Variants in RNLS observed in about 807,000 individuals in gnomAD.
RNLS encodes renalase.
RNLS carries 39 observed loss-of-function variants against 39.8 expected under a neutral mutation model. The ratio of observed to expected loss-of-function variants is 0.98; its 90% CI spans 0.76 to 1.28. The LOEUF is 1.28. RNLS is among the 50% of genes most tolerant of loss of function. The pLI is 0.00. For missense variants in RNLS, 410 were observed against 413.3 expected, an observed-to-expected ratio of 0.99 and a Z score of 0.07; for synonymous variants, 147 against 150.7, an observed-to-expected ratio of 0.98 and a Z score of 0.18.
chr10:88,513,542 C>G (rs1166311229), intron 4 of RNLS, among the ~76,000 whole-genome samples: 1 of 152,064 alleles, frequency 6.6e-6, no homozygotes, highest in East Asian at 1.9e-4. Flanking sequence ...CTTCATCACT[C>G]TATGAATCCA....
intron 4 of RNLS, among the ~76,000 whole-genome samples, chr10:88,365,981 T>TCATC (rs1214850958): frequency 2.6e-5 from 4 of 152,224 alleles, no homozygotes; most frequent in African/African-American, 4.8e-5. Flanking sequence ...ATCAATCTAT[T>TCATC]CATCCATCCA....
intron 4 of RNLS, among the ~76,000 whole-genome samples, chr10:88,432,240 C>T (rs1302896441): frequency 2.0e-5 from 3 of 151,620 alleles, no homozygotes; most frequent in Non-Finnish European, 4.4e-5. Flanking sequence ...ATTCTTTGTT[C>T]TAAAACCTAC....
chr10:88,507,832 A>G (rs1240541996), intron 4 of RNLS, among the ~76,000 whole-genome samples: 1 of 152,164 alleles, frequency 6.6e-6, no homozygotes, highest in African/African-American at 2.4e-5. Context: ...AAAAGAATGC[A>G]ACCACTTATT....
chr10:88,196,493 G>A, the RNLS span, among the ~76,000 whole-genome samples: 1 of 152,176 alleles, frequency 6.6e-6, no homozygotes, highest in Non-Finnish European at 1.5e-5. Flanking sequence ...TCCCACAAAA[G>A]GCAGAGTCAA....
chr10:88,284,737 T>C lies in RNLS; in HGVS notation c.*617A>G. On this transcript the variant is annotated 3_prime_UTR_variant, in exon 7 of 7. Coordinates refer to ENST00000331772, the MANE Select transcript of RNLS (RefSeq NM_001031709.3). ...GTACTGTGTGGCTGGGAAAATCATG[T>C]GGAATCTTATACTTTCTGAAAATCT... The C allele has an allele frequency of 1.0e-6, 1 of 985,380 alleles. No homozygotes were observed. The highest frequency in any genetic ancestry group is 1.2e-6 in the Non-Finnish European group (1 of 829,912). 61.0% of individuals were successfully genotyped at this position (985,380 alleles called of 1,614,324 possible). A position where few individuals can be genotyped will look rare whatever the true frequency, so the allele number is the denominator to read the frequency against.
At chr10:88,522,552 CA>C (rs1157046529) in intron 4 of RNLS, among the ~76,000 whole-genome samples, 1 of 151,992 alleles carries the variant, frequency 6.6e-6, no homozygotes, top group Non-Finnish European at 1.5e-5. Context: ...AAGATTTATA[CA>C]AAAATATTTT....
At chr10:88,244,501 T>G in the RNLS span, among the ~76,000 whole-genome samples, 1 of 152,208 alleles carries the variant, frequency 6.6e-6, no homozygotes, top group South Asian at 2.1e-4. Flanking sequence ...TTCCAGCCAT[T>G]GTTTTTGGAC....
chr10:88,238,490 G>C, the RNLS span, among the ~76,000 whole-genome samples: 2 of 152,258 alleles, frequency 1.3e-5, no homozygotes, highest in Non-Finnish European at 2.9e-5. Context: ...GCTGATGGAT[G>C]TGAGGGGCTA....
intron 4 of RNLS, among the ~76,000 whole-genome samples, chr10:88,370,308 G>A (rs1183956365): frequency 1.3e-5 from 2 of 152,070 alleles, no homozygotes; most frequent in African/African-American, 4.8e-5. Context: ...AATGTTAATA[G>A]TAAAATAAAC....
intron 5 of RNLS, among the ~76,000 whole-genome samples, chr10:88,325,810 T>A (rs1846557799): frequency 6.6e-6 from 1 of 152,172 alleles, no homozygotes; most frequent in South Asian, 2.1e-4. Context: ...ATAATCCTCA[T>A]GTGTCTAGGG....
chr10:88,287,449 T>A (rs1325378636), intron 6 of RNLS, among the ~76,000 whole-genome samples: 3 of 152,156 alleles, frequency 2.0e-5, no homozygotes, highest in African/African-American at 7.2e-5. Context: ...TGTTATCAAG[T>A]TGGATTATTT....
At chr10:88,383,466 G>A (rs1851671447) in intron 4 of RNLS, among the ~76,000 whole-genome samples, 1 of 152,124 alleles carries the variant, frequency 6.6e-6, no homozygotes, top group African/African-American at 2.4e-5. Context: ...ATGTCAAACT[G>A]CTTTCTACAT....
At chr10:88,557,408 T>C (rs1019065648) in intron 4 of RNLS, among the ~76,000 whole-genome samples, 5 of 152,136 alleles carry the variant, frequency 3.3e-5, no homozygotes, top group Non-Finnish European at 7.4e-5. Flanking sequence ...GACATAAACA[T>C]TCAAGTCAGA....
chr10:88,458,934 A>G (rs1483014325), intron 4 of RNLS, among the ~76,000 whole-genome samples: 1 of 152,180 alleles, frequency 6.6e-6, no homozygotes, highest in Non-Finnish European at 1.5e-5. Flanking sequence ...CAAGTGGAAA[A>G]GGAAGAAAGG....
intron 4 of RNLS, among the ~76,000 whole-genome samples, chr10:88,523,378 A>C (rs536646210): frequency 6.6e-6 from 1 of 152,278 alleles, no homozygotes; most frequent in South Asian, 2.1e-4. Flanking sequence ...AAAGCTGAGC[A>C]TTTATAGACT....
At chr10:88,353,566 G>T (rs553852451) in intron 5 of RNLS, among the ~76,000 whole-genome samples, 1 of 152,166 alleles carries the variant, frequency 6.6e-6, no homozygotes, top group East Asian at 1.9e-4. Flanking sequence ...TTGCACTGTC[G>T]TCTCAGAGAC....
rs1044215743 is a variant in RNLS at position 88,499,919 on chromosome 10, A to C, written c.526+72984T>G. ...AAGACAAGTGTCAAACAGATAAAAG[A>C]GGGTAAGCAATACTTTTTGCATATA... On this transcript the variant is annotated intron_variant, in intron 4 of 6. Coordinates refer to ENST00000331772, the MANE Select transcript of RNLS (RefSeq NM_001031709.3). Among the ~76,000 whole-genome samples the C allele has an allele frequency of 3.3e-5, 5 of 152,182 alleles. No individual in the cohort carries two copies. The South Asian group carries it at 1.0e-3, about 31-fold the overall frequency.
At chr10:88,326,115 G>A (rs1180110552) in intron 5 of RNLS, among the ~76,000 whole-genome samples, 1 of 152,158 alleles carries the variant, frequency 6.6e-6, no homozygotes, top group Non-Finnish European at 1.5e-5. Context: ...ATAGCTGTGT[G>A]AAAACAGACT....
intron 4 of RNLS, among the ~76,000 whole-genome samples, chr10:88,572,025 C>A (rs1030257022): frequency 6.6e-6 from 1 of 152,148 alleles, no homozygotes. Flanking sequence ...TCACAAGTTT[C>A]TGGTGGCAGT....
Sources: allele counts gnomAD v4.1 joint callset (sites outside exome capture counted in the v4.1 genomes callset), GRCh38; gene constraint gnomAD v4.1.1; transcripts MANE v1.5; gene names NCBI Gene and HGNC (gene_info 2026-07-23, HGNC 2026-07-21).